ADAMTSL3: variants seen among roughly 807,000 people sequenced by gnomAD.
ADAMTSL3 encodes ADAMTS like 3.
ADAMTSL3 carries 128 observed loss-of-function variants against 201.7 expected under a neutral mutation model. That is an observed-to-expected ratio of 0.63 (90% confidence interval 0.55 to 0.73). ADAMTSL3 has a LOEUF of 0.73. ADAMTSL3 is among the 30% of genes least tolerant of loss of function. The pLI, the probability that ADAMTSL3 is intolerant of heterozygous loss-of-function variation, is 0.00. For synonymous variants in ADAMTSL3, 738 were observed against 748.4 expected, an observed-to-expected ratio of 0.99 and a Z score of 0.23; for missense variants, 1,990 against 2,119.6, an observed-to-expected ratio of 0.94 and a Z score of 1.20.
intron 3 of ADAMTSL3, among the ~76,000 whole-genome samples, chr15:83,729,921 G>C (rs2062238383): frequency 6.6e-6 from 1 of 152,050 alleles, no homozygotes; most frequent in African/African-American, 2.4e-5. Context: ...CTAAGTATTT[G>C]ATGGGACTTG....
chr15:83,767,088 C>T lies in ADAMTSL3; in HGVS notation c.190-6435C>T, dbSNP rs185575372. On this transcript the variant is annotated intron_variant, in intron 3 of 29. Transcript: ENST00000286744. ...CAGCCTGGGTGACAGAGTAAGACTT[C>T]GTCTCAAAAAGAAAAATAAAAGAAA... Among the ~76,000 whole-genome samples the T allele has an allele frequency of 4.6e-5, 7 of 152,156 alleles. No individual in the cohort carries two copies. In the East Asian group the frequency reaches 1.4e-3, roughly 29 times the overall value.
rs551546210 is a variant in ADAMTSL3, at chr15:83,821,910, C to T, written c.600+1863C>T. Among the ~76,000 whole-genome samples, 294 of 149,778 alleles carry T rather than the reference C, an allele frequency of 2.0e-3. 1 individual carries two copies. The highest frequency in any genetic ancestry group is 2.9e-3 in the Non-Finnish European group (197 of 67,188). On this transcript the variant is annotated intron_variant, in intron 6 of 29. Coordinates refer to ENST00000286744, the MANE Select transcript of ADAMTSL3 (RefSeq NM_207517.3). ...CTCCCTCCCGGATGGGGCGGCTGGC[C>T]GGGCAGAGGGGCTCCTCACTTCCCA...
intron 7 of ADAMTSL3, among the ~76,000 whole-genome samples, chr15:83,841,768 TCA>T (rs1429036570): frequency 1.3e-5 from 2 of 151,812 alleles, no homozygotes; most frequent in East Asian, 4.0e-4. Flanking sequence ...GTCCCTGTCC[TCA>T]CACCCAAATG....
At chr15:83,714,761 C>CTCTCTCTTTCTTTCTTTCTTTCTTTCTT (rs2061979666) in intron 3 of ADAMTSL3, among the ~76,000 whole-genome samples, 1 of 41,454 alleles carries the variant, frequency 2.4e-5, no homozygotes, top group Non-Finnish European at 5.3e-5. Context: ...CTTCCCTTTT[C>CTCTCTCTTTCTTTCTTTCTTTCTTTCTT]TCTTTCTTTC....
chr15:83,783,754 GA>G lies in ADAMTSL3; in HGVS notation c.317+10114del, dbSNP rs901656982. ...ACATATTAGAAAAGAAAAATTGGTT[GA>G]AAAAAAAAAGTGGTGCAAGCTGCCA... On this transcript the variant is annotated intron_variant, in intron 4 of 29. Transcript: ENST00000286744. 1.6e-4 allele frequency among the ~76,000 whole-genome samples: 23 copies of G among 142,754 alleles called. No homozygotes were observed. The South Asian group carries it at 2.2e-3, about 14-fold the overall frequency. The allele number at this position is 142,754 out of a possible 152,430, so 93.7% of individuals were successfully genotyped here.
intron 7 of ADAMTSL3, among the ~76,000 whole-genome samples, chr15:83,843,251 TAAAA>T (rs5814163): frequency 4.6e-4 from 69 of 151,626 alleles, no homozygotes; most frequent in African/African-American, 1.6e-3. Flanking sequence ...TCCTTTTTTT[TAAAA>T]AAAATCAATT....
intron 7 of ADAMTSL3, among the ~76,000 whole-genome samples, chr15:83,851,250 C>G (rs2064606511): frequency 6.6e-6 from 1 of 152,128 alleles, no homozygotes; most frequent in Admixed American, 6.5e-5. Context: ...ATAGGCTGCT[C>G]CTTGTTCTTA....
chr15:84,024,518 T>C (rs1256821400), intron 26 of ADAMTSL3, among the ~76,000 whole-genome samples: 1 of 152,218 alleles, frequency 6.6e-6, no homozygotes, highest in African/African-American at 2.4e-5. Flanking sequence ...TTAGTGACAA[T>C]GAAGACGGAA....
At chr15:83,925,138 G>A (rs1031879356) in intron 17 of ADAMTSL3, among the ~76,000 whole-genome samples, 1 of 152,118 alleles carries the variant, frequency 6.6e-6, no homozygotes, top group African/African-American at 2.4e-5. Flanking sequence ...GGTGAAGGTG[G>A]GGATTGATAC....
chr15:83,983,424 A>G, intron 21 of ADAMTSL3, 80 bp downstream of exon 21: 3 of 1,077,586 alleles, frequency 2.8e-6, no homozygotes, highest in Admixed American at 5.4e-5. Flanking sequence ...AATATTTTCA[A>G]ATTCCTCTCC....
At position 84,036,896 on chromosome 15, in the gene ADAMTSL3, C is replaced by T. The variant is rs1347594059; in HGVS notation, c.4878C>T (p.His1626=). The change falls in exon 29 of 30, where the codon CAC becomes CAT. Residue 1626 remains histidine, a synonymous_variant. Coordinates refer to ENST00000286744, the MANE Select transcript of ADAMTSL3 (RefSeq NM_207517.3). ...GFQSRKVDCI[H]TRSCKPVAKR... ...AGTCTCGGAAAGTCGACTGTATCCA[C>T]ACAAGGAGTTGCAAACCTGTGGCCA... 1 of 1,614,156 alleles carries T rather than the reference C, an allele frequency of 6.2e-7. No individual in the cohort carries two copies.
rs548968833 is a variant in ADAMTSL3 at position 83,808,915 on chromosome 15, C to CAA, written c.363+4235_363+4236dup. 3.2e-3 allele frequency among the ~76,000 whole-genome samples: 310 copies of CAA among 96,800 alleles called. 1 individual carries two copies. Among genetic ancestry groups the CAA allele is most frequent in the African/African-American group, 4.1e-3 (126 of 30,700 alleles). 63.5% of individuals were successfully genotyped at this position (96,800 alleles called of 152,430 possible). A position where few individuals can be genotyped will look rare whatever the true frequency, so the allele number is the denominator to read the frequency against. On this transcript the variant is annotated intron_variant, in intron 5 of 29. Coordinates refer to ENST00000286744, the MANE Select transcript of ADAMTSL3 (RefSeq NM_207517.3). ...CATAATCTCATTCATACGTGGAATCCAAAAAAAAAAAAAAAACAACTTGAT... is the reference window on the plus strand; with the variant it reads ...CATAATCTCATTCATACGTGGAATCCAAAAAAAAAAAAAAAAAACAACTTGAT...
In ADAMTSL3 at chr15:84,034,066, A is replaced by G. The variant is rs571183728; in HGVS notation, c.4754+2634A>G. 1.3e-3 allele frequency among the ~76,000 whole-genome samples: 193 copies of G among 152,202 alleles called. 1 individual carries two copies. In the East Asian group the frequency reaches 0.036, roughly 28 times the overall value. On this transcript the variant is annotated intron_variant, in intron 28 of 29. Coordinates refer to ENST00000286744, the MANE Select transcript of ADAMTSL3 (RefSeq NM_207517.3). ...CTCCAGGATTGGCTGTTCTGTTTTTATAACCTGATGCTTTTCTTTCATGGT... is the reference window on the plus strand; with the variant it reads ...CTCCAGGATTGGCTGTTCTGTTTTTGTAACCTGATGCTTTTCTTTCATGGT...
intron 3 of ADAMTSL3, among the ~76,000 whole-genome samples, chr15:83,729,924 G>A (rs2062238452): frequency 6.6e-6 from 1 of 152,026 alleles, no homozygotes; most frequent in Admixed American, 6.6e-5. Context: ...AGTATTTGAT[G>A]GGACTTGGGT....
At chr15:83,664,038 C>T (rs1292268949) in intron 2 of ADAMTSL3, among the ~76,000 whole-genome samples, 1 of 152,206 alleles carries the variant, frequency 6.6e-6, no homozygotes, top group African/African-American at 2.4e-5. Flanking sequence ...CAGGCAGCCT[C>T]CATCTCTCCA....
At chr15:83,830,486 C>T (rs2064133586) in intron 6 of ADAMTSL3, among the ~76,000 whole-genome samples, 1 of 152,192 alleles carries the variant, frequency 6.6e-6, no homozygotes, top group African/African-American at 2.4e-5. Flanking sequence ...AGCAGTGGCA[C>T]ATACTTCAGA....
At chr15:83,887,365 A>G (rs2065416542) in intron 10 of ADAMTSL3, among the ~76,000 whole-genome samples, 1 of 152,252 alleles carries the variant, frequency 6.6e-6, no homozygotes, top group African/African-American at 2.4e-5. Flanking sequence ...GTACTACCGT[A>G]AGTGGAAATC....
At chr15:83,869,220 T>C (rs1281678118) in intron 8 of ADAMTSL3, among the ~76,000 whole-genome samples, 1 of 152,218 alleles carries the variant, frequency 6.6e-6, no homozygotes, top group African/African-American at 2.4e-5. Flanking sequence ...TTATCATTTT[T>C]TTTTCTCATG....
chr15:83,786,548 T>C (rs1300061595), intron 4 of ADAMTSL3, among the ~76,000 whole-genome samples: 1 of 152,230 alleles, frequency 6.6e-6, no homozygotes, highest in Non-Finnish European at 1.5e-5. Flanking sequence ...TAGATCTTAT[T>C]CATTCTATTG....
Sources: gnomAD v4.1 joint callset for allele counts (sites outside exome capture counted in the v4.1 genomes callset) on GRCh38, gnomAD v4.1.1 for gene constraint, MANE v1.5 for transcripts, NCBI Gene and HGNC (gene_info 2026-07-23, HGNC 2026-07-21) for gene names.